The following HTRA1 variants were observed in gnomAD, a reference collection of about 807,000 sequenced individuals.
The protein encoded by HTRA1 is serine protease HTRA1.
In HTRA1, 26 loss-of-function variants were observed where a neutral mutation model predicts 49.7. The observed-to-expected ratio is 0.52, with a 90% CI of 0.38 to 0.73. The LOEUF is 0.73. Ranked by LOEUF, HTRA1 falls within the 30% of genes least tolerant of loss-of-function variation. The pLI is 0.00. For synonymous variants in HTRA1, 291 were observed against 286.9 expected, an observed-to-expected ratio of 1.01 and a Z score of -0.14; for missense variants, 561 against 667.2, an observed-to-expected ratio of 0.84 and a Z score of 1.75.
rs151276472 is a variant in HTRA1 at position 122,479,193 on chromosome 10, A to G, written c.473-9709A>G. ...TGTTCTGGCTGGAAGGGAAGGTTAG[A>G]TTGTTAATCCTGCATCCTGGCCCTG... On this transcript the variant is annotated intron_variant, in intron 1 of 8. Transcript: ENST00000368984. Among the ~76,000 whole-genome samples the G allele has an allele frequency of 1.4e-3, 207 of 152,304 alleles. 1 individual carries two copies. The highest frequency in any genetic ancestry group is 4.7e-3 in the African/African-American group (194 of 41,560).
rs1049331 is a variant in HTRA1 at position 122,461,754 on chromosome 10, C to T, written c.102C>T (p.Ala34=). The T allele has an allele frequency of 0.23, 253,772 of 1,116,160 alleles. 30,216 individuals carry two copies. The highest frequency in any genetic ancestry group is 0.42 in the East Asian group (6,765 of 15,988). The allele number at this position is 1,116,160 out of a possible 1,614,324, so 69.1% of individuals were successfully genotyped here. A position where few individuals can be genotyped will look rare whatever the true frequency, so the allele number is the denominator to read the frequency against. The change falls in exon 1 of 9, where the codon GCC becomes GCT. Residue 34 remains alanine, a synonymous_variant. Transcript: ENST00000368984. Reference sequence around the variant, plus strand: ...GGGCCGGCCGCTCGGCGCCTTTGGCCGCCGGGTGCCCAGACCGCTGCGAGC... The same window carrying T: ...GGGCCGGCCGCTCGGCGCCTTTGGCTGCCGGGTGCCCAGACCGCTGCGAGC... The part of the protein sequence containing the change: ...LSRAGRSAPL[A]AGCPDRCEPA...
chr10:122,489,159 G>A (rs926387698), intron 2 of HTRA1, among the ~76,000 whole-genome samples, 158 bp downstream of exon 2: 1 of 151,988 alleles, frequency 6.6e-6, no homozygotes, highest in Non-Finnish European at 1.5e-5. Flanking sequence ...TTCCCTATTC[G>A]ACTATATAAA....
At position 122,506,944 on chromosome 10, in the gene HTRA1, A is replaced by T; in HGVS notation, c.972+59A>T. ...GGCAGAGTTTTGCCAGGGGGAGAGG[A>T]GTCAGCATAGGTCTTAGCCCCTGAC... On this transcript the variant is annotated intron_variant, in intron 4 of 8. Transcript: ENST00000368984. This position sits in a 1 kb window ranked among gnomAD's most constrained non-coding sequence, Gnocchi z 5.2. 9.0e-6 allele frequency: 13 copies of T among 1,450,544 alleles called. No individual in the cohort carries two copies. Among genetic ancestry groups the T allele is most frequent in the Non-Finnish European group, 1.3e-5 (13 of 1,039,672 alleles). 89.9% of individuals were successfully genotyped at this position (1,450,544 alleles called of 1,614,324 possible). A position where few individuals can be genotyped will look rare whatever the true frequency, so the allele number is the denominator to read the frequency against.
rs140044730 is a variant in HTRA1, at chr10:122,489,318, C to T, written c.573-104C>T. 203 of 1,089,752 alleles carry T rather than the reference C, an allele frequency of 1.9e-4. No individual in the cohort carries two copies. In the East Asian group the frequency reaches 4.0e-3, roughly 22 times the overall value. The allele number at this position is 1,089,752 out of a possible 1,614,324, so 67.5% of individuals were successfully genotyped here. A position where few individuals can be genotyped will look rare whatever the true frequency, so the allele number is the denominator to read the frequency against. ...ATGCTAAGCCCGATATATAAAGGAG[C>T]GATGGCTAGGTGTGTGTGGCTGTTG... On this transcript the variant is annotated intron_variant, in intron 2 of 8. Coordinates refer to ENST00000368984, the MANE Select transcript of HTRA1 (RefSeq NM_002775.5).
At position 122,487,985 on chromosome 10, in the gene HTRA1, C is replaced by G. The variant is rs1437705133; in HGVS notation, c.473-917C>G. ...TTAAGGCACCTCTTATGCCTTTTGT[C>G]TGGGATGTCCCGGGCAGGGTTGGAA... On this transcript the variant is annotated intron_variant, in intron 1 of 8. Transcript: ENST00000368984. The surrounding 1 kb of genome is among the most constrained non-coding windows in gnomAD (Gnocchi z 4.8). Among the ~76,000 whole-genome samples the G allele has an allele frequency of 6.6e-6, 1 of 152,146 alleles. No homozygotes were observed. The highest frequency in any genetic ancestry group is 1.5e-5 in the Non-Finnish European group (1 of 68,028).
chr10:122,461,603 C>A lies in HTRA1; in HGVS notation c.-50C>A. On this transcript the variant is annotated 5_prime_UTR_variant, in exon 1 of 9. Transcript: ENST00000368984. ...CTCCTGCACTCTCCCCGGCGCCGCT[C>A]TCCGGCCCTCGCCCTGTCCGCCGCC... 1.7e-6 allele frequency: 2 copies of A among 1,194,288 alleles called. No individual in the cohort carries two copies. The highest frequency in any genetic ancestry group is 2.2e-6 in the Non-Finnish European group (2 of 916,052). The allele number at this position is 1,194,288 out of a possible 1,614,324, so 74.0% of individuals were successfully genotyped here.
At chr10:122,462,365 C>T (rs2097481877) in intron 1 of HTRA1, among the ~76,000 whole-genome samples, 1 of 152,278 alleles carries the variant, frequency 6.6e-6, no homozygotes, top group South Asian at 2.1e-4. Context: ...CCGGCCTGCA[C>T]TCTGGGGCTC....
At chr10:122,508,850 A>G (rs1228536037) in intron 6 of HTRA1, 80 bp downstream of exon 6, 2 of 863,856 alleles carry the variant, frequency 2.3e-6, no homozygotes, top group East Asian at 2.4e-5. Context: ...TGGGGAAGGG[A>G]AAAGCGGCAG....
chr10:122,495,021 T>C (rs1425232948), intron 3 of HTRA1, among the ~76,000 whole-genome samples: 1 of 151,894 alleles, frequency 6.6e-6, no homozygotes, highest in East Asian at 1.9e-4. Context: ...GTGCTTGCCA[T>C]GACTCACGCC....
intron 1 of HTRA1, among the ~76,000 whole-genome samples, chr10:122,477,360 G>T (rs1233184573): frequency 6.6e-6 from 1 of 152,082 alleles, no homozygotes; most frequent in Admixed American, 6.5e-5. Context: ...TGAAGATGAG[G>T]CCTCCAGTAT....
intron 3 of HTRA1, among the ~76,000 whole-genome samples, chr10:122,489,985 T>C (rs1053500205): frequency 5.9e-5 from 9 of 152,214 alleles, no homozygotes; most frequent in African/African-American, 1.9e-4. Context: ...CCTCCACAGA[T>C]ACATCATGCG....
chr10:122,496,349 C>G (rs2097498772), intron 3 of HTRA1, among the ~76,000 whole-genome samples: 1 of 146,388 alleles, frequency 6.8e-6, no homozygotes, highest in Non-Finnish European at 1.5e-5. Flanking sequence ...AGGACTTTGT[C>G]AGAATTCCAA....
At chr10:122,477,456 C>G (rs1232308524) in intron 1 of HTRA1, among the ~76,000 whole-genome samples, 4 of 152,130 alleles carry the variant, frequency 2.6e-5, no homozygotes, top group Non-Finnish European at 5.9e-5. Context: ...AGGATGGGGC[C>G]CCGAGGCTGG....
chr10:122,514,236 G>T lies in HTRA1; in HGVS notation c.1320G>T (p.Gln440His). ...ACGTCATAATCAGCATCAATGGACA[G>T]TCCGTGGTCTCCGCCAATGATGTCA... ...ENDVIISING[Q>H]SVVSANDVSD... The change falls in exon 9 of 9, where the codon CAG becomes CAT. Residue 440 changes from glutamine (Q) to histidine (H), a missense_variant. Physicochemically the swap from Gln to His is conservative, Grantham distance 24 (BLOSUM62 0). Around this residue, in one of 3 missense-constraint regions of HTRA1, gnomAD observed 179 missense variants for 173.4 expected, o/e 1.03. Coordinates refer to ENST00000368984, the MANE Select transcript of HTRA1 (RefSeq NM_002775.5). 2 of 1,614,080 alleles carry T rather than the reference G, an allele frequency of 1.2e-6. No individual in the cohort carries two copies. Among genetic ancestry groups the T allele is most frequent in the Non-Finnish European group, 1.7e-6 (2 of 1,179,988 alleles).
chr10:122,496,258 T>TTTG (rs1565427230), intron 3 of HTRA1, among the ~76,000 whole-genome samples: 1 of 132,508 alleles, frequency 7.5e-6, no homozygotes, highest in Admixed American at 9.4e-5. Context: ...TTTTTTTTTT[T>TTTG]TGCAGAGATG....
chr10:122,484,824 T>C (rs1357601975), intron 1 of HTRA1, among the ~76,000 whole-genome samples: 1 of 152,204 alleles, frequency 6.6e-6, no homozygotes, highest in Non-Finnish European at 1.5e-5. Flanking sequence ...CTTCTCCTCA[T>C]GCTGATAGAC....
chr10:122,489,408 C>G lies in HTRA1; in HGVS notation c.573-14C>G, dbSNP rs1283532099. ...GGTGCTACAGGCTTAAGTGTGTACT[C>G]CTTTGGATTTTAGGCTTCCGTTTTC... is the stretch of plus-strand genomic sequence containing the variant. On this transcript the variant is annotated splice_polypyrimidine_tract_variant and intron_variant, in intron 2 of 8. Transcript: ENST00000368984. 6 of 1,613,298 alleles carry G rather than the reference C, an allele frequency of 3.7e-6. No homozygotes were observed. Among genetic ancestry groups the G allele is most frequent in the Non-Finnish European group, 5.1e-6 (6 of 1,179,382 alleles).
At chr10:122,469,853 T>C (rs942033614) in intron 1 of HTRA1, among the ~76,000 whole-genome samples, 24 of 152,364 alleles carry the variant, frequency 1.6e-4, no homozygotes, top group South Asian at 1.0e-3. Flanking sequence ...AAATGTTTTG[T>C]TTATTCATCA....
At chr10:122,470,299 C>T (rs1278300739) in intron 1 of HTRA1, among the ~76,000 whole-genome samples, 3 of 152,196 alleles carry the variant, frequency 2.0e-5, no homozygotes, top group Admixed American at 2.0e-4. Flanking sequence ...TCAGTTTCCT[C>T]ATCTACAACA....
Sources: gnomAD v4.1 joint callset for allele counts (sites outside exome capture counted in the v4.1 genomes callset) on GRCh38, gnomAD v4.1.1 for gene constraint, gnomAD v4.1.1 regional missense constraint, Gnocchi (gnomAD v3.1) non-coding constraint, MANE v1.5 for transcripts, NCBI Gene and HGNC (gene_info 2026-07-23, HGNC 2026-07-21) for gene names.